RAD1: variants seen among roughly 807,000 people sequenced by gnomAD.
RAD1 encodes the protein cell cycle checkpoint protein RAD1.
In RAD1, 21 loss-of-function variants were observed where a neutral mutation model predicts 30.0. That is an observed-to-expected ratio of 0.70 (90% CI 0.50 to 1.01). The LOEUF (loss-of-function observed/expected upper bound fraction) is 1.01, where lower values mean the gene tolerates loss of function less well. RAD1 is among the 50% of genes least tolerant of loss of function. The pLI, the probability that RAD1 is intolerant of heterozygous loss-of-function variation, is 0.00. For synonymous variants in RAD1, 109 were observed against 113.6 expected (o/e 0.96, Z 0.26); for missense variants, 329 against 329.0 (o/e 1.00, Z 0.00).
intron 4 of RAD1, 59 bp from the exon 5 acceptor site, chr5:34,909,415 CAA>C: frequency 1.6e-6 from 2 of 1,217,170 alleles, no homozygotes; most frequent in Non-Finnish European, 2.4e-6. Context: ...CATTAGGATC[CAA>C]ATAAAGAAAA....
Position 34,908,146 on chromosome 5 carries a change from C to G in RAD1, c.*619G>C, listed in dbSNP as rs953265348. 7.3e-5 allele frequency: 11 copies of G among 150,018 alleles called. No homozygotes were observed. The highest frequency in any genetic ancestry group is 2.7e-4 in the African/African-American group (11 of 40,776). The allele number at this position is 150,018 out of a possible 1,614,324, so 9.3% of individuals were successfully genotyped here. ...ATAAATAAAAGATCATTTCAGGTAG[C>G]TGCATCAAACTTTAAGCCTTTAGAC... On this transcript the variant is annotated 3_prime_UTR_variant, in exon 6 of 6. Transcript: ENST00000382038.
intron 2 of RAD1, 52 bp downstream of exon 2, chr5:34,914,643 A>G: frequency 6.4e-7 from 1 of 1,571,364 alleles, no homozygotes; most frequent in South Asian, 1.1e-5. Context: ...GATTTCATTA[A>G]ATTACATTTA....
chr5:34,913,444 A>G (rs777326534), intron 3 of RAD1, 26 bp downstream of exon 3: 2 of 1,359,556 alleles, frequency 1.5e-6, no homozygotes, highest in East Asian at 4.6e-5. Flanking sequence ...TAACACTTTT[A>G]TGTCTTTATA....
intron 4 of RAD1, 98 bp from the exon 5 acceptor site, chr5:34,909,454 G>T: frequency 1.3e-6 from 1 of 761,886 alleles, no homozygotes; most frequent in Non-Finnish European, 2.2e-6. Flanking sequence ...TCATACTAGT[G>T]GGTGAAACAG....
chr5:34,911,949 G>C, intron 3 of RAD1, 137 bp from the exon 4 acceptor site: 1 of 1,029,330 alleles, frequency 9.7e-7, no homozygotes, highest in Non-Finnish European at 1.4e-6. Context: ...CTCATAAAAA[G>C]GGATGACATC....
In RAD1 at chr5:34,908,679, A is replaced by C; in HGVS notation, c.*86T>G. On this transcript the variant is annotated 3_prime_UTR_variant, in exon 6 of 6. Coordinates refer to ENST00000382038, the MANE Select transcript of RAD1 (RefSeq NM_002853.4). ...TGTGCTTCTTCTCTATAGAAAATCC[A>C]ATATGAAATGACAAAGAGTACTGTA... The C allele has an allele frequency of 8.1e-7, 1 of 1,234,098 alleles. No homozygotes were observed. Among genetic ancestry groups the C allele is most frequent in the Non-Finnish European group, 1.1e-6 (1 of 885,938 alleles). The allele number at this position is 1,234,098 out of a possible 1,614,324, so 76.4% of individuals were successfully genotyped here. A position where few individuals can be genotyped will look rare whatever the true frequency, so the allele number is the denominator to read the frequency against.
At position 34,908,611 on chromosome 5, in the gene RAD1, T is replaced by C. The variant is rs1763726331; in HGVS notation, c.*154A>G. The C allele has an allele frequency of 6.7e-6, 4 of 595,402 alleles. No homozygotes were observed. Among genetic ancestry groups the C allele is most frequent in the Admixed American group, 3.3e-5 (1 of 30,126 alleles). The allele number at this position is 595,402 out of a possible 1,614,324, so 36.9% of individuals were successfully genotyped here. A position where few individuals can be genotyped will look rare whatever the true frequency, so the allele number is the denominator to read the frequency against. On this transcript the variant is annotated 3_prime_UTR_variant, in exon 6 of 6. Transcript: ENST00000382038. ...CTCTACAAAATGGATTTACAAAACA[T>C]AGTAACTATTAGGGTACATGACCTT...
In RAD1 at chr5:34,911,607, A is replaced by T. The variant is rs768428364; in HGVS notation, c.513T>A (p.Asp171Glu). ...TAATTTGTAGGACTTCACTCGTCAT[A>T]TCCAATTCAGAAAATGCTTCACGGA... ...EGLREAFSEL[D>E]MTSEVLQITM... The change falls in exon 4 of 6, where the codon GAT becomes GAA. Residue 171 changes from aspartate (D) to glutamate (E), a missense_variant. By Grantham distance (45) the Asp-to-Glu change is conservative (BLOSUM62 2). Coordinates refer to ENST00000382038, the MANE Select transcript of RAD1 (RefSeq NM_002853.4). The T allele has an allele frequency of 1.2e-6, 2 of 1,614,210 alleles. No individual in the cohort carries two copies. The highest frequency in any genetic ancestry group is 1.7e-6 in the Non-Finnish European group (2 of 1,180,034).
intron 2 of RAD1, 164 bp from the exon 3 acceptor site, chr5:34,913,742 C>A: frequency 1.7e-6 from 1 of 584,926 alleles, no homozygotes; most frequent in Non-Finnish European, 3.1e-6. Flanking sequence ...TCCTTTGAAG[C>A]ATCCTTATCT....
rs150523066 is a variant in RAD1, at chr5:34,913,529, C to T, written c.248G>A (p.Arg83Gln). The change falls in exon 3 of 6, where the codon CGA becomes CAA. Residue 83 changes from arginine to glutamine, a missense_variant. Transcript: ENST00000382038. Reference sequence around the variant, plus strand: ...GTCTAAAAGGACAGTTAAATTAATTCGAAAAGTAACAGACTCTTCCTGAAC... The same window carrying T: ...GTCTAAAAGGACAGTTAAATTAATTTGAAAAGTAACAGACTCTTCCTGAAC... ...FKVQEESVTF[R>Q]INLTVLLDCL... 7.0e-5 allele frequency: 112 copies of T among 1,604,432 alleles called. No individual in the cohort carries two copies. Among genetic ancestry groups the T allele is most frequent in the East Asian group, 2.7e-4 (12 of 44,730 alleles).
Position 34,907,383 on chromosome 5 carries a change from A to G in RAD1, c.*1382T>C, listed in dbSNP as rs141004743. The G allele has an allele frequency of 1.1e-4, 17 of 152,338 alleles. No individual in the cohort carries two copies. The Middle Eastern group carries it at 0.01, about 91-fold the overall frequency. The allele number at this position is 152,338 out of a possible 1,614,324, so 9.4% of individuals were successfully genotyped here. A position where few individuals can be genotyped will look rare whatever the true frequency, so the allele number is the denominator to read the frequency against. On this transcript the variant is annotated 3_prime_UTR_variant, in exon 6 of 6. Coordinates refer to ENST00000382038, the MANE Select transcript of RAD1 (RefSeq NM_002853.4). ...CAATGGGATGACAGGTTTTTATCCT[A>G]AAGAACTGTCTCACTCAAAAGGCCA...
chr5:34,914,763 C>A lies in RAD1; in HGVS notation c.130G>T (p.Ala44Ser). The change falls in exon 2 of 6, where the codon GCA becomes TCA. Residue 44 changes from alanine to serine, a missense_variant. Ala to Ser is a moderately conservative substitution (Grantham distance 99, BLOSUM62 1). Transcript: ENST00000382038. ...IHFREHATCF[A>S]TKNGIKVTVE... is the part of the protein sequence containing the mutation. ...GTTACTTTGATACCATTTTTAGTTGCGAAACACGTGGCATGTTCTCGGAAA... is the reference window on the plus strand; with the variant it reads ...GTTACTTTGATACCATTTTTAGTTGAGAAACACGTGGCATGTTCTCGGAAA... 6.2e-7 allele frequency: 1 copy of A among 1,614,168 alleles called. No individual in the cohort carries two copies. The highest frequency in any genetic ancestry group is 2.2e-5 in the East Asian group (1 of 44,882).
chr5:34,912,722 G>A (rs1466551998), intron 3 of RAD1, among the ~76,000 whole-genome samples: 3 of 152,018 alleles, frequency 2.0e-5, no homozygotes, highest in African/African-American at 4.8e-5. Context: ...TTCGGCAACC[G>A]GTTGCGGTGG....
chr5:34,911,464 GATA>G (rs1211190235), intron 4 of RAD1, 87 bp downstream of exon 4: 34 of 1,458,834 alleles, frequency 2.3e-5, no homozygotes, highest in Non-Finnish European at 2.7e-5. Flanking sequence ...TAAAAATGTG[GATA>G]ATAAAAATTT....
chr5:34,912,737 T>C lies in RAD1; in HGVS notation c.307+733A>G, dbSNP rs935019523. ...TTCGGCAACCGGTTGCGGTGGCTTA[T>C]GCCTGTAATCCCAGAACTTAGAGAG... On this transcript the variant is annotated intron_variant, in intron 3 of 5. Coordinates refer to ENST00000382038, the MANE Select transcript of RAD1 (RefSeq NM_002853.4). Among the ~76,000 whole-genome samples, 5 of 152,176 alleles carry C rather than the reference T, an allele frequency of 3.3e-5. No homozygotes were observed. In the East Asian group the frequency reaches 9.6e-4, roughly 29 times the overall value.
chr5:34,910,988 C>G (rs1763818950), intron 4 of RAD1, among the ~76,000 whole-genome samples: 1 of 152,190 alleles, frequency 6.6e-6, no homozygotes, highest in Non-Finnish European at 1.5e-5. Flanking sequence ...CTCCCTAAAT[C>G]CTTATACAGC....
rs1763695401 is a variant in RAD1 at position 34,907,652 on chromosome 5, G to A, written c.*1113C>T. The A allele has an allele frequency of 1.3e-5, 2 of 152,202 alleles. No homozygotes were observed. The highest frequency in any genetic ancestry group is 6.5e-5 in the Admixed American group (1 of 15,282). 9.4% of individuals were successfully genotyped at this position (152,202 alleles called of 1,614,324 possible). On this transcript the variant is annotated 3_prime_UTR_variant, in exon 6 of 6. Transcript: ENST00000382038. ...GAAACTCATAAGCAAATGGAAAGTA[G>A]TAAGTACTGATTGCAGTTACTTACA...
rs767509384 is a variant in RAD1 at position 34,908,880 on chromosome 5, G to C, written c.734C>G (p.Thr245Arg). The change falls in exon 6 of 6, where the codon ACA (threonine) becomes AGA (arginine). Residue 245 changes from threonine to arginine, a missense_variant. Thr to Arg is a moderately conservative substitution (Grantham distance 71). Coordinates refer to ENST00000382038, the MANE Select transcript of RAD1 (RefSeq NM_002853.4). ...LVLSCKVSIR[T>R]DNRGFLSLQY... is the part of the protein sequence containing the mutation. ...TAATGAAAGGAAGCCTCTGTTATCT[G>C]TCCGAATAGATACCTTACAAGATAG... The C allele has an allele frequency of 4.3e-6, 7 of 1,612,780 alleles. No individual in the cohort carries two copies. The East Asian group carries it at 1.6e-4, about 36-fold the overall frequency.
At position 34,906,470 on chromosome 5, in the gene RAD1, C is replaced by G. The variant is rs2111920528; in HGVS notation, c.*2295G>C. On this transcript the variant is annotated 3_prime_UTR_variant, in exon 6 of 6. Coordinates refer to ENST00000382038, the MANE Select transcript of RAD1 (RefSeq NM_002853.4). ...CCTAGGGAACATAGTAAAACCCCATCTCTACAAAAAATACAAAAATTAGCA... is the reference window on the plus strand; with the variant it reads ...CCTAGGGAACATAGTAAAACCCCATGTCTACAAAAAATACAAAAATTAGCA... The G allele has an allele frequency of 6.6e-6, 1 of 152,044 alleles. No individual in the cohort carries two copies. The highest frequency in any genetic ancestry group is 1.5e-5 in the Non-Finnish European group (1 of 68,008). The allele number at this position is 152,044 out of a possible 1,614,324, so 9.4% of individuals were successfully genotyped here.
Sources: allele counts gnomAD v4.1 joint callset (sites outside exome capture counted in the v4.1 genomes callset), GRCh38; gene constraint gnomAD v4.1.1; transcripts MANE v1.5; gene names NCBI Gene and HGNC (gene_info 2026-07-23, HGNC 2026-07-21).